Variants in MDGA2 observed in about 807,000 individuals in gnomAD.
The protein encoded by MDGA2 is MAM domain containing glycosylphosphatidylinositol anchor 2.
Under a neutral mutation model 117.8 loss-of-function variants are expected in MDGA2, and 40 were observed. That is an observed-to-expected ratio of 0.34 (90% CI 0.26 to 0.44). MDGA2 has a LOEUF of 0.44. Among genes scored for constraint, MDGA2 ranks in the 20% least tolerant of loss-of-function variants. MDGA2 has a pLI of 1.00. For missense variants in MDGA2, 1,123 were observed against 1,250.6 expected, an observed-to-expected ratio of 0.90 and a Z score of 1.54; for synonymous variants, 452 against 439.0, an observed-to-expected ratio of 1.03 and a Z score of -0.37.
chr14:46,956,643 G>T (rs1885572142), intron 9 of MDGA2, among the ~76,000 whole-genome samples: 1 of 146,196 alleles, frequency 6.8e-6, no homozygotes, highest in African/African-American at 2.7e-5. Context: ...CATGAGATTT[G>T]AATAGAAAAA....
chr14:47,282,556 G>A (rs1888530848), intron 2 of MDGA2, among the ~76,000 whole-genome samples: 1 of 151,798 alleles, frequency 6.6e-6, no homozygotes, highest in South Asian at 2.1e-4. Flanking sequence ...AAATTAGCCG[G>A]GTGTGGCGGC....
In MDGA2 at chr14:46,939,516, T is replaced by G. The variant is rs142804551; in HGVS notation, c.2089+17858A>C. Reference sequence around the variant, plus strand: ...ACAGAACACTGTTCATAGAAAATACTAAAAATAGCAGTTTCTAAAGCATTA... The same window carrying G: ...ACAGAACACTGTTCATAGAAAATACGAAAAATAGCAGTTTCTAAAGCATTA... On this transcript the variant is annotated intron_variant, in intron 9 of 16. Transcript: ENST00000399232. Among the ~76,000 whole-genome samples the G allele has an allele frequency of 2.7e-3, 415 of 152,316 alleles. 1 individual carries two copies. Among genetic ancestry groups the G allele is most frequent in the Non-Finnish European group, 4.2e-3 (285 of 68,020 alleles).
chr14:47,427,699 G>A (rs997417030), intron 1 of MDGA2, among the ~76,000 whole-genome samples: 2 of 152,178 alleles, frequency 1.3e-5, no homozygotes, highest in Admixed American at 6.5e-5. Context: ...GGGATGTCAC[G>A]TAATGCCAGA....
chr14:47,070,591 C>CT (rs56262472), intron 6 of MDGA2, among the ~76,000 whole-genome samples: 6 of 151,228 alleles, frequency 4.0e-5, no homozygotes, highest in African/African-American at 4.9e-5. Context: ...TCTTCCAGTA[C>CT]TTTTTTTTTA....
intron 3 of MDGA2, among the ~76,000 whole-genome samples, chr14:47,176,514 G>T (rs1313763942): frequency 2.6e-5 from 4 of 152,102 alleles, no homozygotes; most frequent in Admixed American, 6.6e-5. Context: ...ACAACTATCT[G>T]ATCTTTGACA....
intron 8 of MDGA2, among the ~76,000 whole-genome samples, chr14:46,961,779 A>G (rs1226377233): frequency 6.6e-6 from 1 of 151,924 alleles, no homozygotes; most frequent in Non-Finnish European, 1.5e-5. Flanking sequence ...AGTAGCTGGG[A>G]CTACAGGCAC....
rs570613286 is a variant in MDGA2 at position 47,221,213 on chromosome 14, T to C, written c.421-3018A>G. Among the ~76,000 whole-genome samples the C allele has an allele frequency of 7.9e-5, 12 of 152,064 alleles. 1 individual carries two copies. The South Asian group carries it at 1.0e-3, about 13-fold the overall frequency. ...AATGTAATGCAAAGCAGAGGTAACA[T>C]TGTAGGGATGGAAGGAAAGGAAAGG... On this transcript the variant is annotated intron_variant, in intron 2 of 16. Coordinates refer to ENST00000399232, the MANE Select transcript of MDGA2 (RefSeq NM_001113498.3).
At chr14:47,663,503 G>T (rs1021827976) in intron 1 of MDGA2, among the ~76,000 whole-genome samples, 4 of 152,118 alleles carry the variant, frequency 2.6e-5, no homozygotes, top group Admixed American at 6.6e-5. Context: ...ACTACCTTCC[G>T]CCCTCCAAAA....
chr14:46,888,003 A>G (rs1882735443), intron 10 of MDGA2, among the ~76,000 whole-genome samples: 1 of 151,958 alleles, frequency 6.6e-6, no homozygotes, highest in Admixed American at 6.6e-5. Flanking sequence ...TCCTCTTGTT[A>G]TAATGAGTGT....
At position 47,245,166 on chromosome 14, in the gene MDGA2, G is replaced by C. The variant is rs192806518; in HGVS notation, c.421-26971C>G. Among the ~76,000 whole-genome samples, 22 of 151,808 alleles carry C rather than the reference G, an allele frequency of 1.4e-4. No individual in the cohort carries two copies. In the East Asian group the frequency reaches 4.1e-3, roughly 28 times the overall value. On this transcript the variant is annotated intron_variant, in intron 2 of 16. Transcript: ENST00000399232. Reference sequence around the variant, plus strand: ...AGTCTCCTGAGTAGCTGGGACTACAGGCACATGCCATCATGCCTCACTAAT... The same window carrying C: ...AGTCTCCTGAGTAGCTGGGACTACACGCACATGCCATCATGCCTCACTAAT...
intron 1 of MDGA2, among the ~76,000 whole-genome samples, chr14:47,324,263 C>A (rs996340841): frequency 6.6e-6 from 1 of 151,936 alleles, no homozygotes; most frequent in African/African-American, 2.4e-5. Context: ...AAAAAAAGAT[C>A]TCTGAGTGAT....
At chr14:47,467,147 T>C (rs10220643) in intron 1 of MDGA2, among the ~76,000 whole-genome samples, 58,916 of 151,842 alleles carry the variant, frequency 0.39, 11,539 homozygotes, top group South Asian at 0.57. Flanking sequence ...TTATGACAAA[T>C]GCTTGCCAAA....
intron 2 of MDGA2, among the ~76,000 whole-genome samples, chr14:47,245,565 C>A (rs1392534028): frequency 1.3e-5 from 2 of 151,570 alleles, no homozygotes; most frequent in Non-Finnish European, 3.0e-5. Context: ...CTTCAAAGTG[C>A]CTTCCTAAGT....
At chr14:47,612,209 CAGATAGATAGATAGAT>C (rs3985115) in intron 1 of MDGA2, among the ~76,000 whole-genome samples, 34 of 145,812 alleles carry the variant, frequency 2.3e-4, no homozygotes, top group Admixed American at 4.2e-4. Flanking sequence ...GATAGATAGA[CAGATAGATAGATAGAT>C]AGATAGATAG....
chr14:47,349,044 G>A (rs184932516), intron 1 of MDGA2, among the ~76,000 whole-genome samples: 2 of 152,310 alleles, frequency 1.3e-5, no homozygotes. Context: ...AGAATTTGTG[G>A]TGTAGGAGTA....
chr14:47,341,403 T>G (rs1890617954), intron 1 of MDGA2, among the ~76,000 whole-genome samples: 1 of 152,190 alleles, frequency 6.6e-6, no homozygotes, highest in African/African-American at 2.4e-5. Context: ...TCAACACTGA[T>G]GACGATAAAG....
In MDGA2 at chr14:47,120,962, A is replaced by G. The variant is rs570518856; in HGVS notation, c.925+10752T>C. Among the ~76,000 whole-genome samples, 6 of 152,332 alleles carry G rather than the reference A, an allele frequency of 3.9e-5. No individual in the cohort carries two copies. In the South Asian group the frequency reaches 1.0e-3, roughly 26 times the overall value. ...AGTGGCCCCAAGGCTAAATTTAGCT[A>G]TACCACATTATTAAATCCTATGAGT... is the stretch of plus-strand genomic sequence containing the variant. On this transcript the variant is annotated intron_variant, in intron 5 of 16. Transcript: ENST00000399232.
chr14:47,279,667 AT>A (rs1888412736), intron 2 of MDGA2, among the ~76,000 whole-genome samples: 1 of 151,984 alleles, frequency 6.6e-6, no homozygotes, highest in African/African-American at 2.4e-5. Context: ...TTAAAAAAAA[AT>A]CATGTTTTCC....
chr14:47,455,270 T>C (rs1376660643), intron 1 of MDGA2, among the ~76,000 whole-genome samples: 1 of 151,744 alleles, frequency 6.6e-6, no homozygotes, highest in African/African-American at 2.4e-5. Context: ...ATTTGGGAGG[T>C]CGAGGTGGGC....
Sources: allele counts gnomAD v4.1 joint callset (sites outside exome capture counted in the v4.1 genomes callset), GRCh38; gene constraint gnomAD v4.1.1; transcripts MANE v1.5; gene names NCBI Gene and HGNC (gene_info 2026-07-23, HGNC 2026-07-21).